ALS2: variants seen among roughly 807,000 people sequenced by gnomAD.
ALS2 encodes the protein alsin.
Under a neutral mutation model 203.4 loss-of-function variants are expected in ALS2, and 117 were observed. That is an observed-to-expected ratio of 0.58 (90% CI 0.50 to 0.67). ALS2 has a LOEUF of 0.67. Ranked by LOEUF, ALS2 falls within the 30% of genes least tolerant of loss-of-function variation. The pLI is 0.00. For synonymous variants in ALS2, 718 were observed against 725.9 expected (o/e 0.99, Z 0.17); for missense variants, 1,715 against 1,989.4 (o/e 0.86, Z 2.62).
intron 10 of ALS2, among the ~76,000 whole-genome samples, chr2:201,743,696 C>T (rs182866074): frequency 4.4e-4 from 67 of 152,204 alleles, no homozygotes; most frequent in African/African-American, 1.4e-3. Flanking sequence ...AGGCTGGTCT[C>T]GAACTCCTGA....
intron 4 of ALS2, chr2:201,760,304 C>G: frequency 2.1e-6 from 2 of 972,166 alleles, no homozygotes; most frequent in Non-Finnish European, 2.4e-6. Context: ...GAGCAAGACC[C>G]CATCTCAAAA....
intron 10 of ALS2, 36 bp downstream of exon 10, chr2:201,744,222 T>C (rs542034486): frequency 1.4e-5 from 23 of 1,589,132 alleles, no homozygotes; most frequent in Middle Eastern, 1.7e-4. Context: ...AAAGACCTGA[T>C]GGTTTAATGG....
At chr2:201,727,683 T>TGGGGGTGGGGGGGGGGGGGGGG in intron 16 of ALS2, 22 bp downstream of exon 16, 1 of 951,272 alleles carries the variant, frequency 1.1e-6, no homozygotes, top group Non-Finnish European at 1.5e-6. Flanking sequence ...CGGGGTGGGG[T>TGGGGGTGGGGGGGGGGGGGGGG]GGGGAGGGGG....
chr2:201,744,292 G>C lies in ALS2; in HGVS notation c.2136C>G (p.Ile712Met). 6.2e-7 allele frequency: 1 copy of C among 1,614,104 alleles called. No individual in the cohort carries two copies. Among genetic ancestry groups the C allele is most frequent in the Non-Finnish European group, 8.5e-7 (1 of 1,180,002 alleles). ...ERRFYSKLSD[I>M]KSQILRPLLS... is the part of the protein sequence containing the mutation. ...GAAGAGGCCTGAGAATCTGAGATTT[G>C]ATATCACTTAGTTTTGAATAGAATC... Residue 712 changes from isoleucine to methionine, a missense_variant, in exon 10 of 34, where the codon ATC becomes ATG. Transcript: ENST00000264276.
At chr2:201,726,948 G>A in intron 17 of ALS2, 82 bp from the exon 18 acceptor site, 1 of 1,272,788 alleles carries the variant, frequency 7.9e-7, no homozygotes, top group South Asian at 1.3e-5. Context: ...TTTCTTTGGT[G>A]TGAATAAATT....
intron 1 of ALS2, among the ~76,000 whole-genome samples, chr2:201,780,293 C>T (rs928570527): frequency 2.6e-5 from 4 of 152,196 alleles, no homozygotes; most frequent in Non-Finnish European, 1.5e-5. Context: ...TTATCTTCTC[C>T]TCTTGATGAA....
chr2:201,749,595 A>G, intron 8 of ALS2, 117 bp downstream of exon 8: 1 of 1,025,898 alleles, frequency 9.7e-7, no homozygotes, highest in South Asian at 1.5e-5. Flanking sequence ...GAAAACCAAA[A>G]CAAATTTAGG....
chr2:201,780,004 A>C (rs758628845), intron 1 of ALS2: 21 of 152,222 alleles, frequency 1.4e-4, no homozygotes, highest in Non-Finnish European at 2.1e-4. Context: ...ATATCACACA[A>C]TTTTATTCCA....
intron 1 of ALS2, among the ~76,000 whole-genome samples, chr2:201,773,876 G>T (rs1181412238): frequency 1.3e-5 from 2 of 152,142 alleles, no homozygotes; most frequent in Non-Finnish European, 1.5e-5. Flanking sequence ...ACTTCAGGGA[G>T]GACGTCAATT....
Position 201,710,028 on chromosome 2 carries a change from G to C in ALS2, c.4133C>G (p.Thr1378Ser). 3 of 1,613,918 alleles carry C rather than the reference G, an allele frequency of 1.9e-6. No homozygotes were observed. The highest frequency in any genetic ancestry group is 2.5e-6 in the Non-Finnish European group (3 of 1,179,824). The part of the protein sequence containing the change: ...IRKYLIKACD[T>S]PLHPLGRLVE... ...AAGCCTGCCCAGGGGGTGCAGAGGA[G>C]TGTCACAGGCCTGAGTAGGAAAAGA... The change falls in exon 27 of 34, where the codon ACT becomes AGT. Residue 1378 changes from threonine (T) to serine (S), a missense_variant. Coordinates refer to ENST00000264276, the MANE Select transcript of ALS2 (RefSeq NM_020919.4).
At position 201,710,162 on chromosome 2, in the gene ALS2, C is replaced by G; in HGVS notation, c.4123-124G>C. 4 of 1,127,808 alleles carry G rather than the reference C, an allele frequency of 3.5e-6. No individual in the cohort carries two copies. The South Asian group carries it at 4.0e-5, about 11-fold the overall frequency. The allele number at this position is 1,127,808 out of a possible 1,614,324, so 69.9% of individuals were successfully genotyped here. On this transcript the variant is annotated intron_variant, in intron 26 of 33. Transcript: ENST00000264276. Reference sequence around the variant, plus strand: ...AAATGTCAAGAGTCAATTTTGGGACCAGGAATATTCAAATACTTTAATTTT... The same window carrying G: ...AAATGTCAAGAGTCAATTTTGGGACGAGGAATATTCAAATACTTTAATTTT...
intron 7 of ALS2, among the ~76,000 whole-genome samples, chr2:201,751,885 G>A (rs1416591659): frequency 1.3e-5 from 2 of 151,942 alleles, no homozygotes; most frequent in Admixed American, 6.6e-5. Context: ...TACATTTACC[G>A]GATACTCAAG....
chr2:201,764,826 C>G (rs1693994519), intron 3 of ALS2, among the ~76,000 whole-genome samples: 1 of 152,134 alleles, frequency 6.6e-6, no homozygotes, highest in Non-Finnish European at 1.5e-5. Context: ...CAATTTCAAA[C>G]ATACACTTGT....
chr2:201,726,884 C>T lies in ALS2; in HGVS notation c.2980-18G>A, dbSNP rs3219162. ...CACTTTGTCTAGGAGCAAAAAGTAA[C>T]GTCAATAAGTTTAAGGCAACAATTC... On this transcript the variant is annotated intron_variant, in intron 17 of 33. Transcript: ENST00000264276. The T allele has an allele frequency of 1.1e-3, 1,838 of 1,607,536 alleles. No homozygotes were observed. Among genetic ancestry groups the T allele is most frequent in the Non-Finnish European group, 1.4e-3 (1,697 of 1,175,366 alleles).
chr2:201,768,000 A>G (rs1057173086), intron 2 of ALS2, among the ~76,000 whole-genome samples: 3 of 152,176 alleles, frequency 2.0e-5, no homozygotes, highest in Admixed American at 6.5e-5. Context: ...CAAGATTCTA[A>G]CTTCTCAATA....
At position 201,726,873 on chromosome 2, in the gene ALS2, G is replaced by T. The variant is rs1338292222; in HGVS notation, c.2980-7C>A. ...TAGCTCGTAGCCACTTTGTCTAGGA[G>T]CAAAAAGTAACGTCAATAAGTTTAA... is the stretch of plus-strand genomic sequence containing the variant. On this transcript the variant is annotated splice_region_variant and splice_polypyrimidine_tract_variant and intron_variant, in intron 17 of 33. Coordinates refer to ENST00000264276, the MANE Select transcript of ALS2 (RefSeq NM_020919.4). The T allele has an allele frequency of 6.2e-7, 1 of 1,612,856 alleles. No homozygotes were observed. Among genetic ancestry groups the T allele is most frequent in the Non-Finnish European group, 8.5e-7 (1 of 1,179,310 alleles).
chr2:201,728,730 A>C, intron 14 of ALS2, 90 bp from the exon 15 acceptor site: 2 of 1,492,702 alleles, frequency 1.3e-6, no homozygotes, highest in Non-Finnish European at 1.8e-6. Flanking sequence ...AATCACATTT[A>C]AGGGAATTTG....
intron 28 of ALS2, among the ~76,000 whole-genome samples, chr2:201,707,430 T>C (rs1456753550): frequency 6.6e-6 from 1 of 151,472 alleles, no homozygotes; most frequent in Non-Finnish European, 1.5e-5. Context: ...CCTACCCAGC[T>C]ACATTTTTTT....
chr2:201,704,618 A>G lies in ALS2; in HGVS notation c.4689-15T>C, dbSNP rs1273142293. The G allele has an allele frequency of 5.6e-6, 9 of 1,613,952 alleles. No individual in the cohort carries two copies. Among genetic ancestry groups the G allele is most frequent in the South Asian group, 3.3e-5 (3 of 91,084 alleles). On this transcript the variant is annotated splice_polypyrimidine_tract_variant and intron_variant, in intron 31 of 33. Transcript: ENST00000264276. Reference sequence around the variant, plus strand: ...TAAATGTTGTGCTGTTACAGAAACAATGACAAAAAGACATCCTATAATTTT... The same window carrying G: ...TAAATGTTGTGCTGTTACAGAAACAGTGACAAAAAGACATCCTATAATTTT...
Sources: allele counts gnomAD v4.1 joint callset (sites outside exome capture counted in the v4.1 genomes callset), GRCh38; gene constraint gnomAD v4.1.1; transcripts MANE v1.5; gene names NCBI Gene and HGNC (gene_info 2026-07-23, HGNC 2026-07-21).